The following TPD52 variants were observed in gnomAD, a reference collection of about 807,000 sequenced individuals.
The protein encoded by TPD52 is prostate and colon associated protein.
A neutral mutation model predicts 31.3 loss-of-function variants in TPD52; 17 were observed. The observed-to-expected ratio is 0.54, with a 90% CI of 0.37 to 0.82. The LOEUF is 0.82. Ranked by LOEUF, TPD52 falls within the 40% of genes least tolerant of loss-of-function variation. TPD52 has a pLI of 0.00. For synonymous variants in TPD52, 83 were observed against 89.6 expected, an observed-to-expected ratio of 0.93 and a Z score of 0.42; for missense variants, 212 against 240.1, an observed-to-expected ratio of 0.88 and a Z score of 0.77.
chr8:80,091,431 T>G (rs1170468213), intron 1 of TPD52, among the ~76,000 whole-genome samples: 1 of 148,136 alleles, frequency 6.8e-6, no homozygotes, highest in Non-Finnish European at 1.5e-5. Context: ...ATCGCGCCAC[T>G]GCGCTCCAGC....
At chr8:80,134,154 T>C (rs1235800524) in intron 1 of TPD52, among the ~76,000 whole-genome samples, 1 of 152,232 alleles carries the variant, frequency 6.6e-6, no homozygotes, top group Non-Finnish European at 1.5e-5. Context: ...TTCAAAACCA[T>C]TAAGTAATTG....
intron 1 of TPD52, among the ~76,000 whole-genome samples, chr8:80,070,575 G>A (rs1049065328): frequency 6.6e-6 from 1 of 152,128 alleles, no homozygotes; most frequent in Non-Finnish European, 1.5e-5. Context: ...AGAATCTAAT[G>A]CCACCACTGA....
intron 1 of TPD52, among the ~76,000 whole-genome samples, chr8:80,092,590 TA>T (rs898849833): frequency 1.3e-5 from 2 of 152,068 alleles, no homozygotes; most frequent in South Asian, 2.1e-4. Context: ...TACTTGGCCA[TA>T]AAAAAATGAA....
chr8:80,048,944 T>C (rs1811115687), intron 5 of TPD52, among the ~76,000 whole-genome samples: 1 of 152,186 alleles, frequency 6.6e-6, no homozygotes, highest in African/African-American at 2.4e-5. Flanking sequence ...ACAAAGTGAC[T>C]GTGAAAGGAG....
intron 7 of TPD52, among the ~76,000 whole-genome samples, chr8:80,041,872 G>A (rs879320488): frequency 1.6e-4 from 25 of 152,016 alleles, no homozygotes; most frequent in Admixed American, 5.9e-4. Flanking sequence ...GGCGGATCAC[G>A]AGGTCAGGAG....
chr8:80,142,759 C>A (rs549366523), intron 1 of TPD52, among the ~76,000 whole-genome samples: 1 of 152,178 alleles, frequency 6.6e-6, no homozygotes, highest in Admixed American at 6.5e-5. Flanking sequence ...CTTCCTTACC[C>A]CTACACTCTC....
chr8:80,080,503 T>C (rs754678752), intron 1 of TPD52: 2 of 1,605,048 alleles, frequency 1.2e-6, no homozygotes, highest in Non-Finnish European at 1.7e-6. Flanking sequence ...ATATCAGCCT[T>C]CAGTTGAGTG....
At chr8:80,109,338 C>T (rs565519323) in intron 1 of TPD52, among the ~76,000 whole-genome samples, 1 of 152,148 alleles carries the variant, frequency 6.6e-6, no homozygotes, top group Non-Finnish European at 1.5e-5. Flanking sequence ...ATTCTTACTG[C>T]ACTTACATAA....
chr8:80,116,675 A>C (rs534701421), intron 1 of TPD52, among the ~76,000 whole-genome samples: 3 of 152,328 alleles, frequency 2.0e-5, no homozygotes, highest in East Asian at 3.9e-4. Flanking sequence ...TGCTACCAAA[A>C]TCGGACAAAG....
intron 1 of TPD52, among the ~76,000 whole-genome samples, chr8:80,098,144 A>C (rs1318224761): frequency 6.6e-6 from 1 of 152,248 alleles, no homozygotes; most frequent in African/African-American, 2.4e-5. Context: ...GCTCATTTAC[A>C]ATGCACCTAG....
At chr8:80,120,788 C>A (rs1808208394) in intron 1 of TPD52, among the ~76,000 whole-genome samples, 1 of 151,880 alleles carries the variant, frequency 6.6e-6, no homozygotes, top group Admixed American at 6.6e-5. Context: ...TCATTTAAAA[C>A]AAAAAATCAG....
chr8:80,051,839 T>C, intron 3 of TPD52: 1 of 480,792 alleles, frequency 2.1e-6, no homozygotes, highest in Middle Eastern at 5.3e-4. Context: ...TCTTCTGCAG[T>C]GCCCTAGTCC....
chr8:80,049,569 G>A (rs1811168956), intron 5 of TPD52, among the ~76,000 whole-genome samples: 1 of 152,166 alleles, frequency 6.6e-6, no homozygotes, highest in Non-Finnish European at 1.5e-5. Context: ...AGACTACCAT[G>A]AGTGATTGCT....
chr8:80,054,081 G>A (rs1181977938), intron 2 of TPD52, among the ~76,000 whole-genome samples: 1 of 152,204 alleles, frequency 6.6e-6, no homozygotes, highest in East Asian at 1.9e-4. Context: ...GGTGGTTAGA[G>A]GTGGGCCCTG....
At chr8:80,125,789 A>G (rs1808559422) in intron 1 of TPD52, among the ~76,000 whole-genome samples, 1 of 152,226 alleles carries the variant, frequency 6.6e-6, no homozygotes, top group Non-Finnish European at 1.5e-5. Context: ...CTAAGAATAC[A>G]ATTTCTAGAG....
intron 1 of TPD52, among the ~76,000 whole-genome samples, chr8:80,077,443 G>A (rs1368139159): frequency 1.3e-5 from 2 of 152,144 alleles, no homozygotes; most frequent in African/African-American, 4.8e-5. Flanking sequence ...ATAGAATGTT[G>A]AGATCCAAGT....
At chr8:80,145,448 G>A (rs1328003419) in intron 1 of TPD52, among the ~76,000 whole-genome samples, 3 of 152,202 alleles carry the variant, frequency 2.0e-5, no homozygotes, top group Non-Finnish European at 2.9e-5. Flanking sequence ...GACTATGAAG[G>A]AGCAGCCGAA....
At chr8:80,052,648 G>C in intron 3 of TPD52, 1 of 1,289,034 alleles carries the variant, frequency 7.8e-7, no homozygotes, top group Non-Finnish European at 1.0e-6. Context: ...AGAGCAGTTC[G>C]GTTTCTGCTG....
At chr8:80,120,416 G>A (rs1416411660) in intron 1 of TPD52, among the ~76,000 whole-genome samples, 1 of 152,054 alleles carries the variant, frequency 6.6e-6, no homozygotes, top group African/African-American at 2.4e-5. Flanking sequence ...TTGAATCCAG[G>A]AGACAGAGGT....
Sources: gnomAD v4.1 joint callset for allele counts (sites outside exome capture counted in the v4.1 genomes callset) on GRCh38, gnomAD v4.1.1 for gene constraint, MANE v1.5 for transcripts, NCBI Gene and HGNC (gene_info 2026-07-23, HGNC 2026-07-21) for gene names.